CFAP45: variants seen among roughly 807,000 people sequenced by gnomAD.
The protein encoded by CFAP45 is cilia and flagella associated protein 45.
Under a neutral mutation model 75.6 loss-of-function variants are expected in CFAP45, and 43 were observed. The observed-to-expected ratio is 0.57, with a 90% CI of 0.45 to 0.73. The LOEUF (loss-of-function observed/expected upper bound fraction) is 0.73. Among genes scored for constraint, CFAP45 ranks in the 30% least tolerant of loss-of-function variants. The probability of loss-of-function intolerance (pLI) is 0.00; values close to 1 mark genes in which losing one functional copy is unlikely to be tolerated. For missense variants in CFAP45, 689 were observed against 701.5 expected (o/e 0.98, Z 0.20); for synonymous variants, 223 against 244.6 (o/e 0.91, Z 0.82).
chr1:159,892,343 A>G (rs974847843), intron 2 of CFAP45, among the ~76,000 whole-genome samples: 1 of 152,136 alleles, frequency 6.6e-6, no homozygotes, highest in Non-Finnish European at 1.5e-5. Context: ...TCCCTTACCA[A>G]CAGGAAAACT....
At chr1:159,890,899 C>T (rs1171131940) in intron 2 of CFAP45, among the ~76,000 whole-genome samples, 1 of 151,658 alleles carries the variant, frequency 6.6e-6, no homozygotes, top group Non-Finnish European at 1.5e-5. Flanking sequence ...GCTGGGATTA[C>T]AGGCGACCAC....
At chr1:159,899,267 CCTCA>C (rs1349400872) in intron 1 of CFAP45, among the ~76,000 whole-genome samples, 27 of 152,138 alleles carry the variant, frequency 1.8e-4, no homozygotes, top group Middle Eastern at 3.2e-3. Context: ...CTGAGACCCT[CCTCA>C]CTCACTCACT....
At position 159,888,513 on chromosome 1, in the gene CFAP45, C is replaced by G; in HGVS notation, c.273-17G>C. The G allele has an allele frequency of 6.2e-7, 1 of 1,612,958 alleles. No individual in the cohort carries two copies. Among genetic ancestry groups the G allele is most frequent in the Non-Finnish European group, 8.5e-7 (1 of 1,179,258 alleles). The stretch of plus-strand genomic sequence containing the variant: ...GTGGGAACACTGTCACAAGAATAAA[C>G]AGAGTTAGGGAGGGGAGAGGGAAAG... On this transcript the variant is annotated splice_polypyrimidine_tract_variant and intron_variant, in intron 3 of 11. Coordinates refer to ENST00000368099, the MANE Select transcript of CFAP45 (RefSeq NM_012337.3).
rs550989663 is a variant in CFAP45, at chr1:159,873,162, C to G, written c.1359G>C (p.Gln453His). The G allele has an allele frequency of 1.9e-6, 3 of 1,613,402 alleles. No individual in the cohort carries two copies. Among genetic ancestry groups the G allele is most frequent in the African/African-American group, 2.7e-5 (2 of 75,006 alleles). Residue 453 changes from glutamine to histidine, a missense_variant, in exon 11 of 12, where the codon CAG (glutamine) becomes CAC (histidine). Transcript: ENST00000368099. ...RDEFERILRA[Q>H]REQIEKERLE... The stretch of plus-strand genomic sequence containing the variant: ...GCCGCTCCTTCTCAATCTGTTCTCT[C>G]TGAGCCCTGGGGGAGGGAAACAGGA...
chr1:159,899,689 G>C (rs941242975), intron 1 of CFAP45, among the ~76,000 whole-genome samples: 1 of 151,478 alleles, frequency 6.6e-6, no homozygotes, highest in Non-Finnish European at 1.5e-5. Flanking sequence ...GGATGGTCTC[G>C]ATCTCCTGAC....
intron 11 of CFAP45, 111 bp downstream of exon 11, chr1:159,872,833 G>A (rs571942951): frequency 6.5e-6 from 7 of 1,070,042 alleles, no homozygotes; most frequent in East Asian, 5.1e-5. Context: ...GCCTCTCCCT[G>A]AGCATCTCTG....
intron 7 of CFAP45, among the ~76,000 whole-genome samples, chr1:159,881,587 T>C (rs746859869): frequency 6.6e-6 from 1 of 152,056 alleles, no homozygotes; most frequent in Non-Finnish European, 1.5e-5. Context: ...CGATAAACCA[T>C]TGATAAATGA....
chr1:159,875,947 T>G (rs2494520), intron 10 of CFAP45, among the ~76,000 whole-genome samples: 119,813 of 152,186 alleles, frequency 0.79, 47,251 homozygotes, highest in Admixed American at 0.85. Context: ...AAAGGATAAA[T>G]AGCTACCAAG....
At chr1:159,890,697 G>A (rs1649806935) in intron 2 of CFAP45, 75 bp from the exon 3 acceptor site, 25 of 1,367,094 alleles carry the variant, frequency 1.8e-5, no homozygotes, top group Non-Finnish European at 2.5e-5. Flanking sequence ...TTCAAGGATA[G>A]AGCAGCGTGA....
chr1:159,878,752 C>T (rs1353169287), intron 8 of CFAP45, among the ~76,000 whole-genome samples: 1 of 6,424 alleles, frequency 1.6e-4, no homozygotes, highest in Non-Finnish European at 2.6e-4. Flanking sequence ...AAGACTACAT[C>T]TAAAAAAAAA....
At chr1:159,893,745 C>T (rs1224687158) in intron 1 of CFAP45, among the ~76,000 whole-genome samples, 5 of 151,926 alleles carry the variant, frequency 3.3e-5, no homozygotes, top group African/African-American at 4.8e-5. Context: ...AAAAGAGATA[C>T]ACAATATCTA....
intron 2 of CFAP45, 101 bp from the exon 3 acceptor site, chr1:159,890,723 C>T (rs1224044412): frequency 7.1e-6 from 7 of 986,942 alleles, no homozygotes; most frequent in East Asian, 5.0e-5. Context: ...TGTATCTGAG[C>T]ATGGCTGGAT....
intron 7 of CFAP45, among the ~76,000 whole-genome samples, chr1:159,881,198 AAGGTAGGT>A (rs1483088100): frequency 3.9e-5 from 6 of 152,202 alleles, no homozygotes; most frequent in African/African-American, 1.4e-4. Flanking sequence ...AAAATCCTAA[AAGGTAGGT>A]AGGCCTTGTT....
chr1:159,892,062 A>G (rs552011897), intron 2 of CFAP45, among the ~76,000 whole-genome samples: 1 of 152,280 alleles, frequency 6.6e-6, no homozygotes, highest in South Asian at 2.1e-4. Context: ...CGAGGTGGGC[A>G]GATTGCTTGA....
intron 1 of CFAP45, among the ~76,000 whole-genome samples, chr1:159,896,494 GA>G (rs1272138998): frequency 6.6e-6 from 1 of 152,170 alleles, no homozygotes; most frequent in African/African-American, 2.4e-5. Flanking sequence ...AAACATACTA[GA>G]AAAAAATGAA....
chr1:159,893,686 T>C (rs1184091781), intron 1 of CFAP45, among the ~76,000 whole-genome samples: 2 of 152,128 alleles, frequency 1.3e-5, no homozygotes, highest in Non-Finnish European at 2.9e-5. Context: ...TCTGGTGCTC[T>C]ATTGCACAGA....
intron 8 of CFAP45, among the ~76,000 whole-genome samples, chr1:159,878,736 C>A (rs1358824494): frequency 1.4e-5 from 1 of 70,970 alleles, no homozygotes; most frequent in Non-Finnish European, 2.9e-5. Flanking sequence ...AGCCTAGTGA[C>A]AGAGCAAGAC....
At chr1:159,895,341 C>T (rs932634753) in intron 1 of CFAP45, among the ~76,000 whole-genome samples, 2 of 152,208 alleles carry the variant, frequency 1.3e-5, no homozygotes, top group Admixed American at 6.5e-5. Flanking sequence ...GCCTGGGAAT[C>T]AGCAGCTGAT....
Position 159,891,048 on chromosome 1 carries a change from C to A in CFAP45, c.130-426G>T, listed in dbSNP as rs1044696794. ...TGCTGGGATTACAGGCGTGAGCCAC[C>A]ATGCCCAGCCCTGACCAGCTTTTCT... On this transcript the variant is annotated intron_variant, in intron 2 of 11. Coordinates refer to ENST00000368099, the MANE Select transcript of CFAP45 (RefSeq NM_012337.3). Among the ~76,000 whole-genome samples, 11 of 152,288 alleles carry A rather than the reference C, an allele frequency of 7.2e-5. No homozygotes were observed. The South Asian group carries it at 2.3e-3, about 32-fold the overall frequency.
Sources: gnomAD v4.1 joint callset for allele counts (sites outside exome capture counted in the v4.1 genomes callset) on GRCh38, gnomAD v4.1.1 for gene constraint, MANE v1.5 for transcripts, NCBI Gene and HGNC (gene_info 2026-07-23, HGNC 2026-07-21) for gene names.